The following CHD2 variants were observed in gnomAD, a reference collection of about 807,000 sequenced individuals.
CHD2 encodes ATP-dependent chromatin remodeler CHD2.
CHD2 carries 28 observed loss-of-function variants against 243.9 expected under a neutral mutation model. That is an observed-to-expected ratio of 0.11 (90% CI 0.09 to 0.16). CHD2 has a LOEUF of 0.16. Among genes scored for constraint, CHD2 ranks in the 10% least tolerant of loss-of-function variants. The probability of loss-of-function intolerance (pLI) is 1.00; values close to 1 mark genes in which losing one functional copy is unlikely to be tolerated. For synonymous variants in CHD2, 775 were observed against 779.0 expected, an observed-to-expected ratio of 0.99 and a Z score of 0.09; for missense variants, 1,386 against 2,209.8, an observed-to-expected ratio of 0.63 and a Z score of 7.47.
rs116688898 is a variant in CHD2 at position 92,929,308 on chromosome 15, G to A, written c.443+217G>A. Among the ~76,000 whole-genome samples the A allele has an allele frequency of 0.013, 1,945 of 152,122 alleles. 39 individuals are homozygous for A. The highest frequency in any genetic ancestry group is 0.045 in the African/African-American group (1,847 of 41,490). ...AGTTTAACACATGGAAGGGGTCCAC[G>A]TATACTCGAGCTTTTGCTTGGGATA... On this transcript the variant is annotated intron_variant, in intron 5 of 38. Transcript: ENST00000394196.
chr15:92,904,572 C>A, intron 2 of CHD2: 1 of 1,020,154 alleles, frequency 9.8e-7, no homozygotes, highest in South Asian at 4.0e-5. Context: ...CAGTCTTGTC[C>A]GCCCTTGCCT....
Position 92,967,529 on chromosome 15 carries a change from G to C in CHD2, c.2189+16G>C, listed in dbSNP as rs750871446. 1.2e-6 allele frequency: 2 copies of C among 1,610,226 alleles called. No individual in the cohort carries two copies. Among genetic ancestry groups the C allele is most frequent in the Non-Finnish European group, 1.7e-6 (2 of 1,177,100 alleles). On this transcript the variant is annotated intron_variant, in intron 17 of 38. Coordinates refer to ENST00000394196, the MANE Select transcript of CHD2 (RefSeq NM_001271.4). The stretch of plus-strand genomic sequence containing the variant: ...AGTATTACAAGTAAGTTCTTGTTTG[G>C]GTTAGGCCTGAAGGGGTTGAGATCA...
At chr15:92,955,570 A>G (rs2053608112) in intron 15 of CHD2, 58 bp downstream of exon 15, 2 of 1,115,406 alleles carry the variant, frequency 1.8e-6, no homozygotes, top group Non-Finnish European at 2.6e-6. Context: ...TCCAGATGGT[A>G]GGGTCTGTTA....
At chr15:93,010,126 A>G (rs575599757) in intron 35 of CHD2, among the ~76,000 whole-genome samples, 107 of 152,330 alleles carry the variant, frequency 7.0e-4, no homozygotes, top group Middle Eastern at 3.4e-3. Flanking sequence ...ATGGTCTCCA[A>G]TTCCATTGAG....
At chr15:93,005,962 T>C (rs915682015) in intron 34 of CHD2, among the ~76,000 whole-genome samples, 2 of 152,216 alleles carry the variant, frequency 1.3e-5, no homozygotes, top group East Asian at 3.8e-4. Context: ...TTTTATATTA[T>C]GAAATCTTTA....
intron 7 of CHD2, 121 bp from the exon 8 acceptor site, chr15:92,941,701 T>C: frequency 5.0e-6 from 5 of 1,001,580 alleles, no homozygotes; most frequent in Non-Finnish European, 7.3e-6. Context: ...ATGGCAGATC[T>C]ATAAAACAAC....
intron 37 of CHD2, 77 bp from the exon 38 acceptor site, chr15:93,019,932 TCCA>T: frequency 9.9e-7 from 1 of 1,010,284 alleles, no homozygotes; most frequent in Non-Finnish European, 1.5e-6. Flanking sequence ...CGACTCCATC[TCCA>T]AAAAAAAAAA....
chr15:92,918,773 T>C (rs887645189), intron 2 of CHD2, among the ~76,000 whole-genome samples: 3 of 151,750 alleles, frequency 2.0e-5, no homozygotes, highest in African/African-American at 7.3e-5. Flanking sequence ...AATATATATA[T>C]ACGTATATAT....
chr15:92,958,983 T>G (rs930572147), intron 16 of CHD2, among the ~76,000 whole-genome samples: 27 of 152,248 alleles, frequency 1.8e-4, no homozygotes, highest in African/African-American at 6.0e-4. Flanking sequence ...CATAACCCTG[T>G]TGTAAGTTGA....
chr15:93,004,294 G>GT (rs1213594549), intron 33 of CHD2, among the ~76,000 whole-genome samples: 1 of 152,166 alleles, frequency 6.6e-6, no homozygotes, highest in Non-Finnish European at 1.5e-5. Flanking sequence ...ACTCTAGAGA[G>GT]TTCTGCCAAT....
chr15:92,984,182 T>G, intron 24 of CHD2, 148 bp from the exon 25 acceptor site: 1 of 567,214 alleles, frequency 1.8e-6, no homozygotes, highest in Non-Finnish European at 2.7e-6. Context: ...AAAGGAAAAA[T>G]TAATAGAAAA....
chr15:93,007,233 G>A (rs1436580139), intron 34 of CHD2, among the ~76,000 whole-genome samples: 1 of 152,214 alleles, frequency 6.6e-6, no homozygotes, highest in African/African-American at 2.4e-5. Context: ...GTTAACAGTT[G>A]TTAATTTTTG....
rs142061996 is a variant in CHD2 at position 92,919,029 on chromosome 15, T to C, written c.63-5292T>C. 1.1e-3 allele frequency among the ~76,000 whole-genome samples: 160 copies of C among 152,192 alleles called. 3 individuals carry two copies. In the East Asian group the frequency reaches 0.025, roughly 24 times the overall value. ...GCATGCCACCATACCTGGCTAATTG[T>C]TTTTTTAGTACAGGCTGGGTTTCAC... On this transcript the variant is annotated intron_variant, in intron 2 of 38. Transcript: ENST00000394196.
chr15:92,983,563 C>G (rs778279597), intron 24 of CHD2, among the ~76,000 whole-genome samples: 4 of 152,132 alleles, frequency 2.6e-5, no homozygotes, highest in Admixed American at 6.5e-5. Flanking sequence ...CGGAGCCAGG[C>G]TGGGGGCTGC....
At chr15:92,933,673 A>G (rs903067247) in intron 5 of CHD2, among the ~76,000 whole-genome samples, 2 of 152,266 alleles carry the variant, frequency 1.3e-5, no homozygotes, top group African/African-American at 4.8e-5. Flanking sequence ...TAGCACATTC[A>G]CAGCTCACTG....
At chr15:92,909,950 G>A (rs201034091) in intron 2 of CHD2, among the ~76,000 whole-genome samples, 2 of 22,204 alleles carry the variant, frequency 9.0e-5, no homozygotes, top group African/African-American at 2.4e-4. Flanking sequence ...GTGTGTGTGT[G>A]TGTGTGTGTG....
intron 26 of CHD2, among the ~76,000 whole-genome samples, chr15:92,987,030 G>A (rs11074123): frequency 1.3e-5 from 2 of 151,950 alleles, no homozygotes; most frequent in Non-Finnish European, 2.9e-5. Flanking sequence ...GCCACCGTGC[G>A]CAGCCTAGTT....
intron 2 of CHD2, chr15:92,904,527 TG>T (rs1225109197): frequency 1.0e-6 from 1 of 997,240 alleles, no homozygotes. Context: ...GACTTTCCGG[TG>T]GGCGGCTTCT....
intron 2 of CHD2, chr15:92,904,910 G>GA: frequency 1.3e-6 from 2 of 1,535,846 alleles, no homozygotes. Context: ...TTTAATACAT[G>GA]GCTCATAAAC....
Sources: allele counts gnomAD v4.1 joint callset (sites outside exome capture counted in the v4.1 genomes callset), GRCh38; gene constraint gnomAD v4.1.1; transcripts MANE v1.5; gene names NCBI Gene and HGNC (gene_info 2026-07-23, HGNC 2026-07-21).